BRWD1: variants seen among roughly 807,000 people sequenced by gnomAD.
The protein encoded by BRWD1 is bromodomain and WD repeat domain containing 1.
Under a neutral mutation model 251.2 loss-of-function variants are expected in BRWD1, and 82 were observed. The ratio of observed to expected loss-of-function variants is 0.33; its 90% CI spans 0.27 to 0.39. The LOEUF (loss-of-function observed/expected upper bound fraction) is 0.39. Among genes scored for constraint, BRWD1 ranks in the 10% least tolerant of loss-of-function variants. The probability of loss-of-function intolerance (pLI) is 1.00; values close to 1 mark genes in which losing one functional copy is unlikely to be tolerated. For missense variants in BRWD1, 2,233 were observed against 2,711.6 expected (o/e 0.82, Z 3.92); for synonymous variants, 918 against 902.8 (o/e 1.02, Z -0.30).
chr21:39,214,032 G>C (rs1601290351), intron 32 of BRWD1, among the ~76,000 whole-genome samples: 1 of 151,918 alleles, frequency 6.6e-6, no homozygotes, highest in East Asian at 1.9e-4. Context: ...AAGCATAAAG[G>C]AGACAAAAAT....
chr21:39,218,668 T>A lies in BRWD1; in HGVS notation c.3383-8A>T. The A allele has an allele frequency of 6.3e-7, 1 of 1,575,368 alleles. No individual in the cohort carries two copies. The highest frequency in any genetic ancestry group is 1.2e-5 in the South Asian group (1 of 84,252). On this transcript the variant is annotated splice_region_variant and splice_polypyrimidine_tract_variant and intron_variant, in intron 29 of 40. Coordinates refer to ENST00000342449, the MANE Select transcript of BRWD1 (RefSeq NM_033656.4). ...ATTCTTCAGGTGGATCAACTATGAATACCATAAAAAACAATGAGAGGAAGA... is the reference window on the plus strand; with the variant it reads ...ATTCTTCAGGTGGATCAACTATGAAAACCATAAAAAACAATGAGAGGAAGA...
intron 21 of BRWD1, among the ~76,000 whole-genome samples, chr21:39,242,061 GAA>G (rs1366925551): frequency 6.6e-6 from 1 of 152,194 alleles, no homozygotes; most frequent in Non-Finnish European, 1.5e-5. Context: ...ATTCAAAAAT[GAA>G]AGAGTCACAC....
Position 39,266,926 on chromosome 21 carries a change from T to C in BRWD1, c.1531-1907A>G, listed in dbSNP as rs535449875. Among the ~76,000 whole-genome samples, 28 of 152,334 alleles carry C rather than the reference T, an allele frequency of 1.8e-4. No individual in the cohort carries two copies. The South Asian group carries it at 5.8e-3, about 32-fold the overall frequency. On this transcript the variant is annotated intron_variant, in intron 15 of 40. Coordinates refer to ENST00000342449, the MANE Select transcript of BRWD1 (RefSeq NM_033656.4). ...TGTTTTTTCAGATTATTCTTTGGCA[T>C]AGAGTTTTTCCGCTTATATTCTGCT...
At chr21:39,214,437 T>C (rs1304713608) in intron 32 of BRWD1, among the ~76,000 whole-genome samples, 1 of 151,962 alleles carries the variant, frequency 6.6e-6, no homozygotes, top group Non-Finnish European at 1.5e-5. Flanking sequence ...GTAACATAAC[T>C]ATACTCTATA....
At chr21:39,257,180 AGAG>A (rs1272130813) in intron 18 of BRWD1, among the ~76,000 whole-genome samples, 4 of 150,066 alleles carry the variant, frequency 2.7e-5, no homozygotes, top group African/African-American at 7.4e-5. Context: ...TACTCCACAC[AGAG>A]GAGTAGTATG....
In BRWD1 at chr21:39,198,741, AAAGAT is replaced by A. The variant is rs751243595; in HGVS notation, c.5653+17_5653+21del. 26 of 1,538,850 alleles carry A rather than the reference AAAGAT, an allele frequency of 1.7e-5. No individual in the cohort carries two copies. Among genetic ancestry groups the A allele is most frequent in the Admixed American group, 9.9e-5 (5 of 50,664 alleles). Reference sequence around the variant, plus strand: ...GGATGGTGAGAGTCAATCAGTGAACAAAGATAAATGTTTTGAATTACCTTTCATAA... The same window carrying A: ...GGATGGTGAGAGTCAATCAGTGAACAAAATGTTTTGAATTACCTTTCATAA... On this transcript the variant is annotated intron_variant, in intron 40 of 40. Transcript: ENST00000342449.
rs147444737 is a variant in BRWD1 at position 39,232,462 on chromosome 21, T to C, written c.2803A>G (p.Met935Val). The C allele has an allele frequency of 3.8e-5, 61 of 1,587,140 alleles. No homozygotes were observed. The highest frequency in any genetic ancestry group is 5.1e-5 in the Non-Finnish European group (60 of 1,174,078). Residue 935 changes from methionine to valine, a missense_variant, in exon 24 of 41, where the codon ATG (methionine) becomes GTG (valine). Physicochemically the swap from Met to Val is conservative, Grantham distance 21. Around this residue, in one of 12 missense-constraint regions of BRWD1, gnomAD observed 214 missense variants for 222.0 expected, o/e 0.96. Coordinates refer to ENST00000342449, the MANE Select transcript of BRWD1 (RefSeq NM_033656.4). ...GGGTGAAATTCATATAAATGCTCCA[T>C]ATTTGCAAGCTCTGCTGGAGTCATC... is the stretch of plus-strand genomic sequence containing the variant. ...RRMTPAELAN[M>V]EHLYEFHPPV...
intron 17 of BRWD1, among the ~76,000 whole-genome samples, chr21:39,259,405 C>T (rs1322914358): frequency 2.6e-5 from 4 of 152,162 alleles, no homozygotes; most frequent in Non-Finnish European, 5.9e-5. Context: ...ATTCTCCTGC[C>T]TCGGCCTCCC....
chr21:39,274,622 G>A, intron 12 of BRWD1, 150 bp from the exon 13 acceptor site: 2 of 693,984 alleles, frequency 2.9e-6, no homozygotes, highest in South Asian at 3.8e-5. Context: ...GGTATTTAGA[G>A]CGTATCTGGA....
At position 39,203,443 on chromosome 21, in the gene BRWD1, T is replaced by C. The variant is rs990183819; in HGVS notation, c.4365-898A>G. ...AACAGAGCAAGACCCTGGTTCTTTTTTTTTTTTTTTTTTTTTTTTGAGACA... is the reference window on the plus strand; with the variant it reads ...AACAGAGCAAGACCCTGGTTCTTTTCTTTTTTTTTTTTTTTTTTTGAGACA... On this transcript the variant is annotated intron_variant, in intron 37 of 40. Coordinates refer to ENST00000342449, the MANE Select transcript of BRWD1 (RefSeq NM_033656.4). Among the ~76,000 whole-genome samples the C allele has an allele frequency of 5.8e-4, 75 of 129,684 alleles. 1 individual carries two copies. The highest frequency in any genetic ancestry group is 1.9e-3 in the African/African-American group (56 of 30,072). The allele number at this position is 129,684 out of a possible 152,430, so 85.1% of individuals were successfully genotyped here.
upstream of BRWD1, chr21:39,313,878 A>G (rs2036621426): frequency 1.2e-5 from 4 of 325,358 alleles, no homozygotes; most frequent in South Asian, 9.5e-5. Flanking sequence ...CCTGCGCGCA[A>G]TGAGGCGGCT....
Position 39,295,175 on chromosome 21 carries a change from G to GT in BRWD1, c.609+567dup, listed in dbSNP as rs869129436. Among the ~76,000 whole-genome samples, 15 of 64,732 alleles carry GT rather than the reference G, an allele frequency of 2.3e-4. 2 individuals carry two copies. Among genetic ancestry groups the GT allele is most frequent in the East Asian group, 6.8e-4 (1 of 1,474 alleles). The allele number at this position is 64,732 out of a possible 152,430, so 42.5% of individuals were successfully genotyped here. On this transcript the variant is annotated intron_variant, in intron 7 of 40. Coordinates refer to ENST00000342449, the MANE Select transcript of BRWD1 (RefSeq NM_033656.4). Reference sequence around the variant, plus strand: ...GAGGGAAAGTGTTAGGTATGTCTATGTTTTTTTTTTTTTTTTTTTTTTTTT... The same window carrying GT: ...GAGGGAAAGTGTTAGGTATGTCTATGTTTTTTTTTTTTTTTTTTTTTTTTTT...
At position 39,238,591 on chromosome 21, in the gene BRWD1, GA is replaced by G. The variant is rs1555858050; in HGVS notation, c.2482-19del. On this transcript the variant is annotated intron_variant, in intron 21 of 40. Transcript: ENST00000342449. The stretch of plus-strand genomic sequence containing the variant: ...GAAGTCTCCTAATTTGTGAAGGGGG[GA>G]AAAAAATCTTGATCCCTGAAGTTAA... 7.6e-6 allele frequency: 12 copies of G among 1,569,862 alleles called. No individual in the cohort carries two copies. Among genetic ancestry groups the G allele is most frequent in the South Asian group, 1.1e-5 (1 of 89,180 alleles).
chr21:39,313,224 C>G lies in BRWD1; in HGVS notation c.108+17G>C. 6.6e-7 allele frequency: 1 copy of G among 1,525,222 alleles called. No homozygotes were observed. The highest frequency in any genetic ancestry group is 8.8e-7 in the Non-Finnish European group (1 of 1,130,154). The allele number at this position is 1,525,222 out of a possible 1,614,324, so 94.5% of individuals were successfully genotyped here. On this transcript the variant is annotated intron_variant, in intron 2 of 40. Coordinates refer to ENST00000342449, the MANE Select transcript of BRWD1 (RefSeq NM_033656.4). ...TGGGGACGCCAAGTCCGCAGCCGCCCGCGGGCCCGCACTCACCTGGGCCGC... is the reference window on the plus strand; with the variant it reads ...TGGGGACGCCAAGTCCGCAGCCGCCGGCGGGCCCGCACTCACCTGGGCCGC...
In BRWD1 at chr21:39,189,436, A is replaced by C; in HGVS notation, c.*6823T>G. ...ATACTAATTCTAACACATTTTAATAAATGTTTATTTGTCATCCAGAATAAT... is the reference window on the plus strand; with the variant it reads ...ATACTAATTCTAACACATTTTAATACATGTTTATTTGTCATCCAGAATAAT... On this transcript the variant is annotated 3_prime_UTR_variant, in exon 41 of 41. Coordinates refer to ENST00000342449, the MANE Select transcript of BRWD1 (RefSeq NM_033656.4). The C allele has an allele frequency of 1.0e-6, 1 of 971,938 alleles. No homozygotes were observed. Among genetic ancestry groups the C allele is most frequent in the Non-Finnish European group, 1.2e-6 (1 of 817,642 alleles). The allele number at this position is 971,938 out of a possible 1,614,324, so 60.2% of individuals were successfully genotyped here. A position where few individuals can be genotyped will look rare whatever the true frequency, so the allele number is the denominator to read the frequency against.
intron 38 of BRWD1, among the ~76,000 whole-genome samples, chr21:39,201,790 T>A (rs1264492717): frequency 6.6e-6 from 1 of 152,260 alleles, no homozygotes; most frequent in Non-Finnish European, 1.5e-5. Context: ...TCAATACTAT[T>A]TATTGAAATA....
intron 4 of BRWD1, among the ~76,000 whole-genome samples, chr21:39,304,814 G>A (rs541976930): frequency 1.2e-3 from 190 of 152,104 alleles, no homozygotes; most frequent in African/African-American, 4.3e-3. Flanking sequence ...CAGATGGGAA[G>A]ACAAGAAGAT....
rs752149945 is a variant in BRWD1 at position 39,210,045 on chromosome 21, G to A, written c.4147C>T (p.Arg1383Trp). The change falls in exon 36 of 41, where the codon CGG becomes TGG. Residue 1383 changes from arginine (R) to tryptophan (W), a missense_variant. Arg to Trp is a moderately radical substitution (Grantham distance 101). Around this residue, in one of 12 missense-constraint regions of BRWD1, gnomAD observed 69 missense variants for 101.6 expected, o/e 0.68. Transcript: ENST00000342449. ...DSPLEFCKDI[R>W]LIFSNAKAYT... ...GCTTTTGCATTGCTAAATATCAGCC[G>A]GATGTCTTTGCAAAACTCCAAAGGG... 3.1e-6 allele frequency: 5 copies of A among 1,613,256 alleles called. No homozygotes were observed. In the South Asian group the frequency reaches 3.3e-5, roughly 11 times the overall value.
At chr21:39,211,034 A>C in intron 34 of BRWD1, 105 bp from the exon 35 acceptor site, 1 of 1,171,244 alleles carries the variant, frequency 8.5e-7, no homozygotes, top group Non-Finnish European at 1.2e-6. Context: ...ATAATGTCAT[A>C]TATGTTGCTC....
Sources: allele counts gnomAD v4.1 joint callset (sites outside exome capture counted in the v4.1 genomes callset), GRCh38; gene constraint gnomAD v4.1.1; regional missense constraint gnomAD v4.1.1; transcripts MANE v1.5; gene names NCBI Gene and HGNC (gene_info 2026-07-23, HGNC 2026-07-21).